Variants in ADCY3 observed in about 807,000 individuals in gnomAD.
ADCY3 encodes adenylate cyclase type 3.
A neutral mutation model predicts 119.4 loss-of-function variants in ADCY3; 70 were observed. That is an observed-to-expected ratio of 0.59 (90% CI 0.48 to 0.72). The LOEUF is 0.72. Ranked by LOEUF, ADCY3 falls within the 30% of genes least tolerant of loss-of-function variation. The probability of loss-of-function intolerance (pLI) is 0.00; values close to 1 mark genes in which losing one functional copy is unlikely to be tolerated. For missense variants in ADCY3, 1,238 were observed against 1,541.6 expected (o/e 0.80, Z 3.30); for synonymous variants, 672 against 621.4 (o/e 1.08, Z -1.21).
intron 2 of ADCY3, among the ~76,000 whole-genome samples, chr2:24,905,861 T>G (rs6724772): frequency 6.6e-6 from 1 of 152,030 alleles, no homozygotes; most frequent in South Asian, 2.1e-4. Flanking sequence ...GATCTCACAG[T>G]TGGTAAGTGG....
chr2:24,905,628 T>C (rs993036498), intron 2 of ADCY3, among the ~76,000 whole-genome samples: 14 of 152,190 alleles, frequency 9.2e-5, no homozygotes, highest in African/African-American at 3.4e-4. Context: ...CAGGCGCCCT[T>C]GAGACATCCT....
Position 24,842,616 on chromosome 2 carries a change from G to C in ADCY3, c.826-232C>G. The C allele has an allele frequency of 1.9e-6, 1 of 534,174 alleles. No homozygotes were observed. The highest frequency in any genetic ancestry group is 3.4e-5 in the East Asian group (1 of 29,612). The allele number at this position is 534,174 out of a possible 1,614,324, so 33.1% of individuals were successfully genotyped here. On this transcript the variant is annotated intron_variant, in intron 3 of 21. Coordinates refer to ENST00000679454, the MANE Select transcript of ADCY3 (RefSeq NM_004036.5). This position sits in a 1 kb window ranked among gnomAD's most constrained non-coding sequence, Gnocchi z 4.9. The stretch of plus-strand genomic sequence containing the variant: ...ATGGCCCCTTCAGAGCAACTGAGGG[G>C]AGCCAGAAACGCAGTGAAGCATCCC...
chr2:24,894,286 C>T (rs1678009922), intron 2 of ADCY3, among the ~76,000 whole-genome samples: 3 of 152,170 alleles, frequency 2.0e-5, no homozygotes, highest in Non-Finnish European at 1.5e-5. Flanking sequence ...AGTTCAAGAC[C>T]AGCCTGGGCA....
intron 3 of ADCY3, among the ~76,000 whole-genome samples, chr2:24,866,113 G>A (rs1674251718): frequency 6.6e-6 from 1 of 152,128 alleles, no homozygotes; most frequent in Admixed American, 6.5e-5. Flanking sequence ...AGACTAAGAG[G>A]CTAAGCTTTC....
rs1489700322 is a variant in ADCY3, at chr2:24,918,228, C to T, written c.675+85G>A. On this transcript the variant is annotated intron_variant, in intron 2 of 21. Transcript: ENST00000679454. The surrounding 1 kb of genome is among the most constrained non-coding windows in gnomAD (Gnocchi z 5.4). Reference sequence around the variant, plus strand: ...CCCAGGACACATTTTGACTCAAAGGCAAAGCAAACAGCAACTCCAACAGGT... The same window carrying T: ...CCCAGGACACATTTTGACTCAAAGGTAAAGCAAACAGCAACTCCAACAGGT... 12 of 1,460,190 alleles carry T rather than the reference C, an allele frequency of 8.2e-6. No homozygotes were observed. The highest frequency in any genetic ancestry group is 1.1e-5 in the Non-Finnish European group (12 of 1,090,052). 90.5% of individuals were successfully genotyped at this position (1,460,190 alleles called of 1,614,324 possible). A position where few individuals can be genotyped will look rare whatever the true frequency, so the allele number is the denominator to read the frequency against.
chr2:24,884,631 C>G (rs1305213522), intron 2 of ADCY3, among the ~76,000 whole-genome samples: 1 of 152,006 alleles, frequency 6.6e-6, no homozygotes, highest in African/African-American at 2.4e-5. Context: ...TGCCCGCCAC[C>G]ACGCCCGGCT....
chr2:24,876,710 C>G, intron 2 of ADCY3, among the ~76,000 whole-genome samples: 1 of 152,154 alleles, frequency 6.6e-6, no homozygotes, highest in South Asian at 2.1e-4. Flanking sequence ...TGCCGTTCCT[C>G]TAAAATGCAT....
intron 2 of ADCY3, among the ~76,000 whole-genome samples, chr2:24,890,407 A>AT: frequency 6.6e-6 from 1 of 152,118 alleles, no homozygotes; most frequent in East Asian, 1.9e-4. Context: ...GTATTATTTC[A>AT]TTTTTAAATG....
chr2:24,865,912 A>G (rs1057378593), intron 3 of ADCY3, among the ~76,000 whole-genome samples: 1 of 152,154 alleles, frequency 6.6e-6, no homozygotes, highest in Non-Finnish European at 1.5e-5. Flanking sequence ...GAGGCTGGAG[A>G]GAGAGCAATG....
rs1491270182 is a variant in ADCY3, at chr2:24,912,587, A to ATGTGTGTGTGTGTGTGCG, written c.675+5725_675+5726insCGCACACACACACACACA. On this transcript the variant is annotated intron_variant, in intron 2 of 21. Coordinates refer to ENST00000679454, the MANE Select transcript of ADCY3 (RefSeq NM_004036.5). ...TGTGTGCATGTGTGTGTGTGTGTGC[A>ATGTGTGTGTGTGTGTGCG]TGTGTGTGTGTGTGTGCATGTGTGT... is the stretch of plus-strand genomic sequence containing the variant. 2.0e-3 allele frequency among the ~76,000 whole-genome samples: 78 copies of ATGTGTGTGTGTGTGTGCG among 38,498 alleles called. 2 individuals are homozygous for ATGTGTGTGTGTGTGTGCG. Among genetic ancestry groups the ATGTGTGTGTGTGTGTGCG allele is most frequent in the South Asian group, 0.012 (16 of 1,350 alleles). The allele number at this position is 38,498 out of a possible 152,430, so 25.3% of individuals were successfully genotyped here.
chr2:24,865,486 C>CT (rs1674169767), intron 3 of ADCY3, among the ~76,000 whole-genome samples: 1 of 112,936 alleles, frequency 8.9e-6, no homozygotes, highest in Non-Finnish European at 1.9e-5. Flanking sequence ...AATAGGCTAT[C>CT]ATCTGTGTGT....
rs914932053 is a variant in ADCY3, at chr2:24,918,709, C to T, written c.279G>A (p.Val93=). ...TGGAGAAGACCACAGCACACATGAC[C>T]ACCACGTAGCAGTCAAAGAGGGCTG... ...VFAALFDCYV[V]VMCAVVFSSD... Residue 93 remains valine, a synonymous_variant, in exon 2 of 22, where the codon GTG becomes GTA. Coordinates refer to ENST00000679454, the MANE Select transcript of ADCY3 (RefSeq NM_004036.5). The surrounding 1 kb of genome is among the most constrained non-coding windows in gnomAD (Gnocchi z 5.4). The T allele has an allele frequency of 6.2e-7, 1 of 1,613,970 alleles. No individual in the cohort carries two copies. The highest frequency in any genetic ancestry group is 8.5e-7 in the Non-Finnish European group (1 of 1,180,032).
chr2:24,896,278 C>T (rs769806835), intron 2 of ADCY3, among the ~76,000 whole-genome samples: 12 of 151,728 alleles, frequency 7.9e-5, no homozygotes, highest in East Asian at 1.9e-4. Flanking sequence ...CCAGCTACTC[C>T]GGAGGCTGAG....
At chr2:24,891,570 T>C (rs1291277085) in intron 2 of ADCY3, among the ~76,000 whole-genome samples, 2 of 152,200 alleles carry the variant, frequency 1.3e-5, no homozygotes, top group Non-Finnish European at 2.9e-5. Flanking sequence ...AGCGTTTCCT[T>C]TAAGTGAAAA....
intron 3 of ADCY3, among the ~76,000 whole-genome samples, chr2:24,866,159 T>C (rs1010443666): frequency 2.9e-4 from 44 of 152,150 alleles, no homozygotes; most frequent in African/African-American, 1.1e-3. Context: ...CAAGATACCA[T>C]GAGAAAAGCA....
At chr2:24,913,398 C>T (rs1664043948) in intron 2 of ADCY3, among the ~76,000 whole-genome samples, 1 of 152,224 alleles carries the variant, frequency 6.6e-6, no homozygotes, top group African/African-American at 2.4e-5. Context: ...TGGCACTGTT[C>T]AGCTACGTTG....
chr2:24,827,749 G>A (rs867833762), intron 14 of ADCY3, 141 bp from the exon 15 acceptor site: 59 of 1,412,216 alleles, frequency 4.2e-5, no homozygotes, highest in African/African-American at 3.4e-4. Context: ...ACAGTGATAC[G>A]TCTGTGAGCA....
chr2:24,863,161 T>C (rs1673884182), intron 3 of ADCY3, among the ~76,000 whole-genome samples: 1 of 152,232 alleles, frequency 6.6e-6, no homozygotes, highest in Non-Finnish European at 1.5e-5. Context: ...ATACAAAGTA[T>C]TGATCCTGGG....
At chr2:24,838,735 G>C (rs13383956) in intron 7 of ADCY3, 113 bp from the exon 8 acceptor site, 3 of 1,582,706 alleles carry the variant, frequency 1.9e-6, no homozygotes, top group Non-Finnish European at 2.6e-6. Context: ...CGTGTCTCTC[G>C]GGCATGTGGG....
Sources: allele counts gnomAD v4.1 joint callset (sites outside exome capture counted in the v4.1 genomes callset), GRCh38; gene constraint gnomAD v4.1.1; non-coding constraint Gnocchi (gnomAD v3.1); transcripts MANE v1.5; gene names NCBI Gene and HGNC (gene_info 2026-07-23, HGNC 2026-07-21).